Variants in KIAA0825 observed in about 807,000 individuals in gnomAD.
KIAA0825 encodes uncharacterized protein KIAA0825.
In KIAA0825, 119 loss-of-function variants were observed where a neutral mutation model predicts 147.6. That is an observed-to-expected ratio of 0.81 (90% confidence interval 0.69 to 0.94). The LOEUF (loss-of-function observed/expected upper bound fraction) is 0.94, where lower values mean the gene tolerates loss of function less well. Ranked by LOEUF, KIAA0825 falls within the 40% of genes least tolerant of loss-of-function variation. The pLI is 0.00. For synonymous variants in KIAA0825, 470 were observed against 518.1 expected (o/e 0.91, Z 1.26); for missense variants, 1,381 against 1,472.7 (o/e 0.94, Z 1.02).
intron 1 of KIAA0825, among the ~76,000 whole-genome samples, chr5:94,611,282 A>G (rs1788719204): frequency 1.3e-5 from 2 of 152,134 alleles, no homozygotes; most frequent in Non-Finnish European, 2.9e-5. Flanking sequence ...ATTATGTTAA[A>G]TCGCCTCTTT....
intron 2 of KIAA0825, among the ~76,000 whole-genome samples, chr5:94,545,151 G>A (rs1437224424): frequency 6.6e-6 from 1 of 152,134 alleles, no homozygotes; most frequent in Non-Finnish European, 1.5e-5. Context: ...CACCCATGGA[G>A]GGAACATTTG....
At position 94,151,439 on chromosome 5, in the gene KIAA0825, A is replaced by C. The variant is rs1304648646; in HGVS notation, c.*2568T>G. 2.6e-5 allele frequency among the ~76,000 whole-genome samples: 4 copies of C among 151,096 alleles called. No individual in the cohort carries two copies. The highest frequency in any genetic ancestry group is 1.9e-4 in the East Asian group (1 of 5,186). ...ACTCCGTCTCAAAAAAAAAAAAAAAAAAAAAAAAAAAACATATTGAGTATA... is the reference window on the plus strand; with the variant it reads ...ACTCCGTCTCAAAAAAAAAAAAAAACAAAAAAAAAAAACATATTGAGTATA... On this transcript the variant is annotated 3_prime_UTR_variant, in exon 21 of 21. Coordinates refer to ENST00000682413, the MANE Select transcript of KIAA0825 (RefSeq NM_001145678.3).
intron 20 of KIAA0825, among the ~76,000 whole-genome samples, chr5:94,227,579 C>T (rs978379957): frequency 4.0e-5 from 6 of 150,334 alleles, no homozygotes; most frequent in African/African-American, 1.5e-4. Flanking sequence ...AGAAAATGTA[C>T]AGTCAGGAAA....
At chr5:94,456,208 C>A (rs1759085751) in intron 12 of KIAA0825, among the ~76,000 whole-genome samples, 2 of 152,128 alleles carry the variant, frequency 1.3e-5, no homozygotes, top group African/African-American at 4.8e-5. Context: ...TTCCCTCACA[C>A]TTCTTTGATC....
At chr5:94,600,525 C>T (rs1007366060) in intron 1 of KIAA0825, among the ~76,000 whole-genome samples, 1 of 151,902 alleles carries the variant, frequency 6.6e-6, no homozygotes, top group African/African-American at 2.4e-5. Flanking sequence ...AAACTGAAAA[C>T]ACATAAAGAG....
chr5:94,461,575 A>G (rs2150951188), intron 12 of KIAA0825, among the ~76,000 whole-genome samples: 1 of 152,068 alleles, frequency 6.6e-6, no homozygotes, highest in East Asian at 1.9e-4. Flanking sequence ...ATTGAAAGTC[A>G]GAGTAGGTGA....
intron 6 of KIAA0825, 26 bp downstream of exon 6, chr5:94,484,743 C>A (rs570538556): frequency 7.2e-7 from 1 of 1,394,282 alleles, no homozygotes; most frequent in Non-Finnish European, 9.5e-7. Flanking sequence ...TATAGATTTA[C>A]AAATTTAAAC....
At chr5:94,380,015 G>A (rs749794206) in intron 20 of KIAA0825, among the ~76,000 whole-genome samples, 49 of 151,638 alleles carry the variant, frequency 3.2e-4, no homozygotes, top group African/African-American at 9.2e-4. Context: ...CACCACGCCC[G>A]GCTAATTTCT....
intron 2 of KIAA0825, chr5:94,569,675 A>T (rs1412553636): frequency 5.8e-6 from 2 of 343,880 alleles, no homozygotes; most frequent in African/African-American, 4.3e-5. Context: ...CATTCAAATG[A>T]TCACAGGACT....
chr5:94,473,909 CT>C (rs1388376767), intron 7 of KIAA0825, among the ~76,000 whole-genome samples: 1 of 152,024 alleles, frequency 6.6e-6, no homozygotes, highest in Non-Finnish European at 1.5e-5. Flanking sequence ...TTTTTATAGT[CT>C]TTTTTATAGT....
rs1001811756 is a variant in KIAA0825 at position 94,417,646 on chromosome 5, A to T, written c.2498-281T>A. Among the ~76,000 whole-genome samples, 4 of 152,288 alleles carry T rather than the reference A, an allele frequency of 2.6e-5. No homozygotes were observed. In the East Asian group the frequency reaches 5.8e-4, roughly 22 times the overall value. On this transcript the variant is annotated intron_variant, in intron 14 of 20. Transcript: ENST00000682413. ...TAACACCACTTCAAAGGTCAACGCT[A>T]GTTTCCCTCAATGTCATAATTCTTC...
rs540536850 is a variant in KIAA0825, at chr5:94,487,575, T to C, written c.971-2645A>G. Among the ~76,000 whole-genome samples the C allele has an allele frequency of 2.0e-5, 3 of 152,348 alleles. No homozygotes were observed. The East Asian group carries it at 5.8e-4, about 29-fold the overall frequency. ...CTATCTGCCTAAGCGTATGTTTCTC[T>C]GTCCCTTAAACTCTTATTGTTAACA... is the stretch of plus-strand genomic sequence containing the variant. On this transcript the variant is annotated intron_variant, in intron 5 of 20. Coordinates refer to ENST00000682413, the MANE Select transcript of KIAA0825 (RefSeq NM_001145678.3).
chr5:94,591,951 AC>A (rs1784428756), intron 1 of KIAA0825, among the ~76,000 whole-genome samples: 1 of 151,704 alleles, frequency 6.6e-6, no homozygotes, highest in African/African-American at 2.4e-5. Flanking sequence ...GGAAAGACCC[AC>A]CCCCTTGATT....
intron 5 of KIAA0825, among the ~76,000 whole-genome samples, chr5:94,496,600 G>A (rs989317516): frequency 5.3e-5 from 8 of 152,154 alleles, no homozygotes; most frequent in Non-Finnish European, 5.9e-5. Context: ...GAATGCACCC[G>A]TGTGGCAGAT....
chr5:94,512,426 A>G (rs1766621125), intron 5 of KIAA0825, among the ~76,000 whole-genome samples: 1 of 152,092 alleles, frequency 6.6e-6, no homozygotes, highest in Admixed American at 6.6e-5. Flanking sequence ...TTTAATATGA[A>G]ACAACAGAAC....
At chr5:94,480,348 G>T (rs1762357676) in intron 6 of KIAA0825, among the ~76,000 whole-genome samples, 3 of 152,050 alleles carry the variant, frequency 2.0e-5, no homozygotes. Flanking sequence ...TAACATGGAG[G>T]TATGTATGAA....
chr5:94,208,541 G>T (rs904740758), intron 20 of KIAA0825, among the ~76,000 whole-genome samples: 2 of 152,160 alleles, frequency 1.3e-5, no homozygotes, highest in African/African-American at 4.8e-5. Context: ...GCAATGAAAG[G>T]CAAGGTGGCA....
At chr5:94,288,722 T>G (rs571321496) in intron 20 of KIAA0825, among the ~76,000 whole-genome samples, 1 of 152,326 alleles carries the variant, frequency 6.6e-6, no homozygotes, top group East Asian at 1.9e-4. Flanking sequence ...TGGAAACTTT[T>G]GTAAAAACAG....
rs1314601424 is a variant in KIAA0825, at chr5:94,580,436, C to A, written c.-2+1997G>T. ...TTTAACATAGGCAATACAGACCTGC[C>A]CTGTAAAATCATGACAGATTAAGAA... On this transcript the variant is annotated intron_variant, in intron 2 of 20. Coordinates refer to ENST00000682413, the MANE Select transcript of KIAA0825 (RefSeq NM_001145678.3). Among the ~76,000 whole-genome samples, 3 of 151,966 alleles carry A rather than the reference C, an allele frequency of 2.0e-5. No homozygotes were observed. In the East Asian group the frequency reaches 5.8e-4, roughly 29 times the overall value.
Sources: gnomAD v4.1 joint callset for allele counts (sites outside exome capture counted in the v4.1 genomes callset) on GRCh38, gnomAD v4.1.1 for gene constraint, MANE v1.5 for transcripts, NCBI Gene and HGNC (gene_info 2026-07-23, HGNC 2026-07-21) for gene names.